The following TENM3 variants were observed in gnomAD, a reference collection of about 807,000 sequenced individuals.
The protein encoded by TENM3 is teneurin transmembrane protein 3, also known as teneurin-3.
Under a neutral mutation model 255.1 loss-of-function variants are expected in TENM3, and 63 were observed. The observed-to-expected ratio is 0.25, with a 90% confidence interval of 0.20 to 0.30. The LOEUF (loss-of-function observed/expected upper bound fraction) is 0.30. TENM3 is among the 10% of genes least tolerant of loss of function. TENM3 has a pLI of 1.00. For synonymous variants in TENM3, 1,306 were observed against 1,322.3 expected (o/e 0.99, Z 0.27); for missense variants, 2,929 against 3,461.1 (o/e 0.85, Z 3.86).
intron 3 of TENM3, among the ~76,000 whole-genome samples, chr4:182,591,932 A>G (rs1746690774): frequency 6.6e-6 from 1 of 152,122 alleles, no homozygotes; most frequent in Non-Finnish European, 1.5e-5. Context: ...ATAAGCACCT[A>G]TTTCCTTAAC....
intron 3 of TENM3, among the ~76,000 whole-genome samples, chr4:182,437,323 A>G (rs1406576543): frequency 6.6e-6 from 1 of 152,126 alleles, no homozygotes; most frequent in African/African-American, 2.4e-5. Flanking sequence ...GTAGAAAGGG[A>G]AAAACCTTAA....
chr4:181,751,481 C>A, the TENM3 span, among the ~76,000 whole-genome samples: 3 of 150,994 alleles, frequency 2.0e-5, no homozygotes, highest in Non-Finnish European at 4.4e-5. Flanking sequence ...TATTACACTT[C>A]TTCTATGACC....
chr4:182,060,329 T>C, the TENM3 span, among the ~76,000 whole-genome samples: 4 of 152,148 alleles, frequency 2.6e-5, no homozygotes, highest in South Asian at 2.1e-4. Context: ...CATTTCTCCA[T>C]GGATGGCAGA....
At chr4:182,047,996 G>C in the TENM3 span, among the ~76,000 whole-genome samples, 2 of 152,124 alleles carry the variant, frequency 1.3e-5, no homozygotes, top group African/African-American at 4.8e-5. Context: ...TATTCTACAG[G>C]AGTTTGTGGT....
chr4:182,394,119 G>A (rs1382708216), intron 3 of TENM3, among the ~76,000 whole-genome samples: 2 of 134,716 alleles, frequency 1.5e-5, no homozygotes, highest in East Asian at 3.8e-4. Flanking sequence ...TAGTTATTAA[G>A]AAGGTCACCA....
chr4:181,608,368 A>G, the TENM3 span, among the ~76,000 whole-genome samples: 1 of 152,336 alleles, frequency 6.6e-6, no homozygotes, highest in African/African-American at 2.4e-5. Flanking sequence ...CCAGGAGACC[A>G]GATGGTCGTG....
the TENM3 span, among the ~76,000 whole-genome samples, chr4:181,777,721 T>C: frequency 1.3e-5 from 2 of 152,190 alleles, no homozygotes; most frequent in African/African-American, 4.8e-5. Flanking sequence ...TTGCTGACTA[T>C]ACTTGAATAT....
chr4:181,451,321 G>A, the TENM3 span, among the ~76,000 whole-genome samples: 1 of 152,120 alleles, frequency 6.6e-6, no homozygotes, highest in Non-Finnish European at 1.5e-5. Flanking sequence ...AAAACAGGAA[G>A]AGAACATACT....
At chr4:182,642,414 C>G (rs1752394454) in intron 5 of TENM3, among the ~76,000 whole-genome samples, 1 of 152,204 alleles carries the variant, frequency 6.6e-6, no homozygotes, top group African/African-American at 2.4e-5. Flanking sequence ...GTGTCTTACT[C>G]TGCATCCACG....
chr4:181,687,311 T>C, the TENM3 span, among the ~76,000 whole-genome samples: 1,752 of 152,328 alleles, frequency 0.012, 35 homozygotes, highest in African/African-American at 0.04. Flanking sequence ...TAATCCCACA[T>C]GCTAATGACT....
At chr4:182,451,290 T>C (rs1158807324) in intron 3 of TENM3, among the ~76,000 whole-genome samples, 1 of 152,184 alleles carries the variant, frequency 6.6e-6, no homozygotes, top group Non-Finnish European at 1.5e-5. Flanking sequence ...AATTTAATTC[T>C]TCTCGAAGAT....
the TENM3 span, among the ~76,000 whole-genome samples, chr4:182,061,754 T>C: frequency 6.6e-6 from 1 of 151,506 alleles, no homozygotes; most frequent in Non-Finnish European, 1.5e-5. Flanking sequence ...GGCCAAGGAG[T>C]TGGAGGCCAG....
At chr4:182,111,936 C>T in the TENM3 span, among the ~76,000 whole-genome samples, 5 of 152,216 alleles carry the variant, frequency 3.3e-5, no homozygotes, top group East Asian at 1.9e-4. Flanking sequence ...AAGTCTTGAC[C>T]GTAAAGCTAG....
chr4:182,537,558 G>A (rs1351293449), intron 3 of TENM3, among the ~76,000 whole-genome samples: 1 of 151,980 alleles, frequency 6.6e-6, no homozygotes, highest in Non-Finnish European at 1.5e-5. Flanking sequence ...CTATTTCTTG[G>A]CCTCTATACT....
chr4:182,296,769 C>T (rs1184465023), intron 1 of TENM3, among the ~76,000 whole-genome samples: 1 of 152,106 alleles, frequency 6.6e-6, no homozygotes, highest in South Asian at 2.1e-4. Context: ...CAAAAGAGCT[C>T]AATTTTTTTT....
intron 1 of TENM3, among the ~76,000 whole-genome samples, chr4:182,310,181 T>G (rs1762360784): frequency 7.3e-6 from 1 of 136,900 alleles, no homozygotes; most frequent in South Asian, 2.3e-4. Flanking sequence ...GGGTAAGAAC[T>G]TGTTATTTCA....
Position 182,754,571 on chromosome 4 carries a change from CT to C in TENM3, c.4205del (p.Leu1402ArgfsTer28), listed in dbSNP as rs1561203623. 1 of 1,614,016 alleles carries C rather than the reference CT, an allele frequency of 6.2e-7. No homozygotes were observed. Among genetic ancestry groups the C allele is most frequent in the Non-Finnish European group, 8.5e-7 (1 of 1,179,876 alleles). On this transcript the variant is annotated frameshift_variant, in exon 22 of 28. Transcript: ENST00000511685. LOFTEE classifies it high-confidence loss of function. This position sits in a 1 kb window ranked among gnomAD's most constrained non-coding sequence, Gnocchi z 5.1. ...PVGKHAVQTT[L>X]ESATAIAVSY... is the part of the protein sequence containing the mutation. ...GGGGAAGCACGCGGTGCAGACAACA[CT>C]GGAATCAGCCACTGCCATTGCTGTG...
intron 5 of TENM3, among the ~76,000 whole-genome samples, chr4:182,644,285 G>A (rs1297565603): frequency 6.6e-6 from 1 of 152,184 alleles, no homozygotes; most frequent in African/African-American, 2.4e-5. Context: ...AGTAGCTGTG[G>A]TAACAACTTC....
At chr4:181,699,477 GAAAGAA>G in the TENM3 span, among the ~76,000 whole-genome samples, 2 of 86,034 alleles carry the variant, frequency 2.3e-5, no homozygotes, top group African/African-American at 4.3e-5. Flanking sequence ...AAAAAAGAAA[GAAAGAA>G]AAAGAAAATA....
Sources: allele counts gnomAD v4.1 joint callset (sites outside exome capture counted in the v4.1 genomes callset), GRCh38; gene constraint gnomAD v4.1.1; non-coding constraint Gnocchi (gnomAD v3.1); transcripts MANE v1.5; gene names NCBI Gene and HGNC (gene_info 2026-07-23, HGNC 2026-07-21).